TMEM132D: variants seen among roughly 807,000 people sequenced by gnomAD.
TMEM132D encodes transmembrane protein 132D, also known as mature OL transmembrane protein.
A neutral mutation model predicts 62.3 loss-of-function variants in TMEM132D; 21 were observed. That is an observed-to-expected ratio of 0.34 (90% CI 0.24 to 0.49). TMEM132D has a LOEUF of 0.49. TMEM132D is among the 20% of genes least tolerant of loss of function. The pLI, the probability that TMEM132D is intolerant of heterozygous loss-of-function variation, is 0.99. For missense variants in TMEM132D, 1,346 were observed against 1,402.8 expected, an observed-to-expected ratio of 0.96 and a Z score of 0.65; for synonymous variants, 621 against 575.6, an observed-to-expected ratio of 1.08 and a Z score of -1.13.
intron 3 of TMEM132D, among the ~76,000 whole-genome samples, chr12:129,516,140 C>T (rs1418690671): frequency 1.3e-5 from 2 of 152,194 alleles, no homozygotes; most frequent in Admixed American, 6.5e-5. Flanking sequence ...ACATCCTAGA[C>T]AATTGCACAG....
intron 3 of TMEM132D, among the ~76,000 whole-genome samples, chr12:129,388,125 T>C (rs1247428337): frequency 7.6e-6 from 1 of 131,300 alleles, no homozygotes; most frequent in African/African-American, 2.8e-5. Context: ...CCAGCACTGA[T>C]GATAATATGA....
rs59343098 is a variant in TMEM132D at position 129,427,735 on chromosome 12, T to TAA, written c.1116-89920_1116-89919dup. 6.9e-3 allele frequency among the ~76,000 whole-genome samples: 1,040 copies of TAA among 149,680 alleles called. 9 individuals carry two copies. Among genetic ancestry groups the TAA allele is most frequent in the African/African-American group, 0.024 (984 of 40,746 alleles). On this transcript the variant is annotated intron_variant, in intron 3 of 8. Coordinates refer to ENST00000422113, the MANE Select transcript of TMEM132D (RefSeq NM_133448.3). The stretch of plus-strand genomic sequence containing the variant: ...TGTAAATTTTCTAGAGGAGGAAAAT[T>TAA]AAAAAAAAACAAAACCAAAATCAAA...
In TMEM132D at chr12:129,442,170, C is replaced by T. The variant is rs191194029; in HGVS notation, c.1115+88889G>A. ...AAAAGAAAAACAAAAGCCTGCAACGCTTGTCTTTCATTGGCCAAATCTTTC... is the reference window on the plus strand; with the variant it reads ...AAAAGAAAAACAAAAGCCTGCAACGTTTGTCTTTCATTGGCCAAATCTTTC... On this transcript the variant is annotated intron_variant, in intron 3 of 8. Coordinates refer to ENST00000422113, the MANE Select transcript of TMEM132D (RefSeq NM_133448.3). Among the ~76,000 whole-genome samples the T allele has an allele frequency of 5.9e-5, 9 of 152,332 alleles. No homozygotes were observed. In the East Asian group the frequency reaches 1.5e-3, roughly 26 times the overall value.
chr12:129,684,200 T>C (rs1023750367), intron 2 of TMEM132D, among the ~76,000 whole-genome samples: 1 of 152,208 alleles, frequency 6.6e-6, no homozygotes, highest in Non-Finnish European at 1.5e-5. Context: ...TCCTGAATTA[T>C]AGTTTCCATA....
At chr12:129,776,367 T>C (rs1033557062) in intron 1 of TMEM132D, among the ~76,000 whole-genome samples, 1 of 152,194 alleles carries the variant, frequency 6.6e-6, no homozygotes, top group Admixed American at 6.5e-5. Context: ...AAGTTGCCAC[T>C]TGGGAAGCTT....
At chr12:129,251,357 C>CAAAA (rs59666716) in intron 4 of TMEM132D, among the ~76,000 whole-genome samples, 3 of 79,782 alleles carry the variant, frequency 3.8e-5, no homozygotes, top group Admixed American at 1.4e-4. Context: ...GACACTGTCT[C>CAAAA]AAAAAAAAAA....
intron 1 of TMEM132D, among the ~76,000 whole-genome samples, chr12:129,752,217 A>G (rs1274185059): frequency 6.6e-6 from 1 of 152,176 alleles, no homozygotes; most frequent in Non-Finnish European, 1.5e-5. Flanking sequence ...TGCAATGTTT[A>G]CAATTTCACA....
rs142707090 is a variant in TMEM132D at position 129,609,149 on chromosome 12, T to C, written c.969-77944A>G. 7.1e-3 allele frequency among the ~76,000 whole-genome samples: 1,075 copies of C among 152,182 alleles called. 7 individuals carry two copies. The highest frequency in any genetic ancestry group is 8.9e-3 in the Non-Finnish European group (608 of 68,010). Reference sequence around the variant, plus strand: ...TAGTAGGGACGGGATTTCACCATCTTGGTCAGGCTGGTCTCGAACTCCTGA... The same window carrying C: ...TAGTAGGGACGGGATTTCACCATCTCGGTCAGGCTGGTCTCGAACTCCTGA... On this transcript the variant is annotated intron_variant, in intron 2 of 8. Transcript: ENST00000422113.
intron 2 of TMEM132D, among the ~76,000 whole-genome samples, chr12:129,559,626 A>G (rs1161657609): frequency 2.0e-5 from 3 of 152,202 alleles, no homozygotes; most frequent in Non-Finnish European, 4.4e-5. Context: ...ATTCCTCTTC[A>G]TCTAACATAG....
intron 1 of TMEM132D, among the ~76,000 whole-genome samples, chr12:129,756,191 C>CG (rs1162802161): frequency 2.0e-5 from 3 of 152,028 alleles, no homozygotes; most frequent in Non-Finnish European, 2.9e-5. Context: ...GTGTAGGTTC[C>CG]GGGGGTCTTC....
chr12:129,806,706 A>G lies in TMEM132D; in HGVS notation c.79+96555T>C, dbSNP rs569022790. Among the ~76,000 whole-genome samples, 36 of 152,140 alleles carry G rather than the reference A, an allele frequency of 2.4e-4. No homozygotes were observed. In the South Asian group the frequency reaches 7.3e-3, roughly 31 times the overall value. On this transcript the variant is annotated intron_variant, in intron 1 of 8. Transcript: ENST00000422113. ...CTTAAAGCATAATAATAAAAGAAAA[A>G]AATAAAAATAAAAAATAAAAAAATA...
intron 4 of TMEM132D, among the ~76,000 whole-genome samples, chr12:129,320,141 T>G (rs947366094): frequency 2.6e-5 from 4 of 152,146 alleles, no homozygotes; most frequent in African/African-American, 4.8e-5. Flanking sequence ...TTAATCAAAA[T>G]AGGGTGCTGA....
chr12:129,220,825 C>T (rs997532567), intron 4 of TMEM132D, among the ~76,000 whole-genome samples: 2 of 151,728 alleles, frequency 1.3e-5, no homozygotes, highest in African/African-American at 4.8e-5. Flanking sequence ...AGACAGATGT[C>T]CAGATCAGGT....
At chr12:129,318,856 G>A (rs1868577414) in intron 4 of TMEM132D, among the ~76,000 whole-genome samples, 1 of 152,122 alleles carries the variant, frequency 6.6e-6, no homozygotes, top group African/African-American at 2.4e-5. Flanking sequence ...GTACCTAAGA[G>A]GATTATGGCT....
At chr12:129,272,341 C>A (rs1408788859) in intron 4 of TMEM132D, among the ~76,000 whole-genome samples, 2 of 151,772 alleles carry the variant, frequency 1.3e-5, no homozygotes, top group African/African-American at 4.9e-5. Context: ...AGCCAAGGAA[C>A]CAAGCCATCA....
chr12:129,885,585 G>T (rs1513198), intron 1 of TMEM132D, among the ~76,000 whole-genome samples: 73,765 of 152,090 alleles, frequency 0.49, 18,708 homozygotes, highest in African/African-American at 0.58. Context: ...AGAACCACTC[G>T]TGTAAAAACA....
rs938612243 is a variant in TMEM132D at position 129,700,407 on chromosome 12, G to T, written c.371C>A (p.Ser124Tyr). 6.2e-7 allele frequency: 1 copy of T among 1,614,172 alleles called. No homozygotes were observed. The highest frequency in any genetic ancestry group is 8.5e-7 in the Non-Finnish European group (1 of 1,180,040). Reference sequence around the variant, plus strand: ...GTGGGCTTTTAGTTTCCAGTTAAGAGAAAATTTGTTGGTGAATCCAAATGG... The same window carrying T: ...GTGGGCTTTTAGTTTCCAGTTAAGATAAAATTTGTTGGTGAATCCAAATGG... ...SNPFGFTNKFSLNWKLKAHIL... is the reference protein window; with the variant it reads ...SNPFGFTNKFYLNWKLKAHIL... The change falls in exon 2 of 9, where the codon TCT (serine) becomes TAT (tyrosine). Residue 124 changes from serine (S) to tyrosine (Y), a missense_variant. Physicochemically the swap from Ser to Tyr is moderately radical, Grantham distance 144. Coordinates refer to ENST00000422113, the MANE Select transcript of TMEM132D (RefSeq NM_133448.3).
At chr12:129,093,290 G>A (rs569662353) in intron 5 of TMEM132D, among the ~76,000 whole-genome samples, 25 of 152,146 alleles carry the variant, frequency 1.6e-4, no homozygotes, top group East Asian at 1.4e-3. Flanking sequence ...AAACCCCATC[G>A]TCTCAGCCCA....
intron 3 of TMEM132D, among the ~76,000 whole-genome samples, chr12:129,379,710 C>T (rs1023486034): frequency 6.6e-6 from 1 of 152,166 alleles, no homozygotes; most frequent in Non-Finnish European, 1.5e-5. Context: ...TCCTGGTATG[C>T]TCTGAAATCT....
Sources: allele counts gnomAD v4.1 joint callset (sites outside exome capture counted in the v4.1 genomes callset), GRCh38; gene constraint gnomAD v4.1.1; transcripts MANE v1.5; gene names NCBI Gene and HGNC (gene_info 2026-07-23, HGNC 2026-07-21).